Variants in MAPK8IP3 observed in about 807,000 individuals in gnomAD.
The protein encoded by MAPK8IP3 is mitogen-activated protein kinase 8 interacting protein 3.
MAPK8IP3 carries 49 observed loss-of-function variants against 157.8 expected under a neutral mutation model. That is an observed-to-expected ratio of 0.31 (90% CI 0.25 to 0.39). The LOEUF is 0.39. Ranked by LOEUF, MAPK8IP3 falls within the 10% of genes least tolerant of loss-of-function variation. MAPK8IP3 has a pLI of 1.00. For synonymous variants in MAPK8IP3, 897 were observed against 777.7 expected (o/e 1.15, Z -2.55); for missense variants, 1,478 against 1,889.4 (o/e 0.78, Z 4.04).
Position 1,743,706 on chromosome 16 carries a change from G to A in MAPK8IP3, c.747+230G>A, listed in dbSNP as rs2040811145. ...TCCACGCGGCCTCGTGTCGGCACCT[G>A]CTAGTCCAGGCTAGACCTCCCTGCC... On this transcript the variant is annotated intron_variant, in intron 5 of 31. Coordinates refer to ENST00000610761, the MANE Select transcript of MAPK8IP3 (RefSeq NM_001318852.2). This position sits in a 1 kb window ranked among gnomAD's most constrained non-coding sequence, Gnocchi z 5.6. 2.2e-6 allele frequency: 3 copies of A among 1,391,778 alleles called. No individual in the cohort carries two copies. Among genetic ancestry groups the A allele is most frequent in the African/African-American group, 3.0e-5 (2 of 67,050 alleles). The allele number at this position is 1,391,778 out of a possible 1,614,324, so 86.2% of individuals were successfully genotyped here. A position where few individuals can be genotyped will look rare whatever the true frequency, so the allele number is the denominator to read the frequency against.
chr16:1,763,404 C>A (rs983991771), intron 16 of MAPK8IP3, among the ~76,000 whole-genome samples: 36 of 152,254 alleles, frequency 2.4e-4, no homozygotes, highest in African/African-American at 8.7e-4. Flanking sequence ...AGCAGAGCAG[C>A]CTCTGGGTCG....
At chr16:1,753,903 GT>G (rs961104402) in intron 8 of MAPK8IP3, among the ~76,000 whole-genome samples, 2 of 152,008 alleles carry the variant, frequency 1.3e-5, no homozygotes, top group African/African-American at 4.8e-5. Flanking sequence ...GCCGGGCACA[GT>G]GGCTCACGCC....
intron 5 of MAPK8IP3, chr16:1,746,494 C>T (rs2040969292): frequency 6.4e-6 from 1 of 155,104 alleles, no homozygotes. Flanking sequence ...GCCACAGGGT[C>T]AGCACCTTCT....
chr16:1,717,261 AAG>A (rs1165643978), intron 1 of MAPK8IP3, among the ~76,000 whole-genome samples: 2 of 151,832 alleles, frequency 1.3e-5, no homozygotes, highest in Admixed American at 6.6e-5. Context: ...AAAAGAAAGA[AAG>A]AAATTCACCA....
chr16:1,736,771 T>C (rs72761166), intron 4 of MAPK8IP3, among the ~76,000 whole-genome samples: 3,365 of 45,036 alleles, frequency 0.075, 384 homozygotes, highest in African/African-American at 0.19. Context: ...TGTGACCGTC[T>C]GTGTGACCAT....
intron 1 of MAPK8IP3, chr16:1,708,046 A>G (rs560599360): frequency 1.3e-5 from 2 of 152,216 alleles, no homozygotes; most frequent in South Asian, 4.1e-4. Context: ...GTGGTTATGC[A>G]TTGATTGGAA....
chr16:1,768,307 G>C lies in MAPK8IP3; in HGVS notation c.3671G>C (p.Cys1224Ser), dbSNP rs1320621147. 6.2e-7 allele frequency: 1 copy of C among 1,609,830 alleles called. No individual in the cohort carries two copies. The highest frequency in any genetic ancestry group is 1.1e-5 in the South Asian group (1 of 91,084). ...GCGGCCAGCAGCTTCATCCCCTACT[G>C]CTCCATGGCCCAGGCCCAGCTATGC... is the stretch of plus-strand genomic sequence containing the variant. ...DRAASSFIPY[C>S]SMAQAQLCFH... The change falls in exon 30 of 32, where the codon TGC becomes TCC. Residue 1224 changes from cysteine (C) to serine (S), a missense_variant. Cys to Ser is a moderately radical substitution (Grantham distance 112, BLOSUM62 -1). Transcript: ENST00000610761.
chr16:1,750,299 G>A (rs1271061522), intron 8 of MAPK8IP3, among the ~76,000 whole-genome samples: 5 of 151,962 alleles, frequency 3.3e-5, no homozygotes, highest in African/African-American at 1.2e-4. Flanking sequence ...TGCAACCTCC[G>A]CCTCCCAGGT....
In MAPK8IP3 at chr16:1,745,115, C is replaced by G. The variant is rs574772082; in HGVS notation, c.747+1639C>G. 78 of 985,398 alleles carry G rather than the reference C, an allele frequency of 7.9e-5. No homozygotes were observed. In the Admixed American group the frequency reaches 8.6e-4, roughly 11 times the overall value. The allele number at this position is 985,398 out of a possible 1,614,324, so 61.0% of individuals were successfully genotyped here. On this transcript the variant is annotated intron_variant, in intron 5 of 31. Transcript: ENST00000610761. ...AGGTTTGCCTTTAGGTAAGTTGTGG[C>G]CAGGGGGAGTGTCCCATGGGTAAGT...
In MAPK8IP3 at chr16:1,765,984, C is replaced by T. The variant is rs1375252832; in HGVS notation, c.2471C>T (p.Pro824Leu). The change falls in exon 21 of 32, where the codon CCC (proline) becomes CTC (leucine). Residue 824 changes from proline to leucine, a missense_variant. Physicochemically the swap from Pro to Leu is moderately conservative, Grantham distance 98 (BLOSUM62 -3). Transcript: ENST00000610761. ...GCGGCCAGCGACAGCGACTACCCTCCCGGGGAGATGTTCCTGGACAGCGAC... is the reference window on the plus strand; with the variant it reads ...GCGGCCAGCGACAGCGACTACCCTCTCGGGGAGATGTTCCTGGACAGCGAC... Reference protein sequence around the residue: ...IPAASDSDYPPGEMFLDSDVN... With the variant: ...IPAASDSDYPLGEMFLDSDVN... 6 of 1,612,442 alleles carry T rather than the reference C, an allele frequency of 3.7e-6. No homozygotes were observed. Among genetic ancestry groups the T allele is most frequent in the Non-Finnish European group, 5.1e-6 (6 of 1,179,832 alleles).
At chr16:1,730,807 C>T (rs2039260983) in intron 4 of MAPK8IP3, among the ~76,000 whole-genome samples, 1 of 148,530 alleles carries the variant, frequency 6.7e-6, no homozygotes, top group Admixed American at 6.7e-5. Context: ...CGCACCACTG[C>T]ACTCCAGCCT....
chr16:1,712,282 C>T (rs948231338), intron 1 of MAPK8IP3, among the ~76,000 whole-genome samples: 5 of 151,796 alleles, frequency 3.3e-5, no homozygotes, highest in Admixed American at 6.6e-5. Flanking sequence ...AGGATGGTCT[C>T]GATCTGCTGA....
At position 1,762,816 on chromosome 16, in the gene MAPK8IP3, C is replaced by A. The variant is rs1232830561; in HGVS notation, c.1728-20C>A. ...TCCCTGGTCCTCTGCCCACCCCTCACCTCCCTGTGCCTCTGGCAGCTTCAG... is the reference window on the plus strand; with the variant it reads ...TCCCTGGTCCTCTGCCCACCCCTCAACTCCCTGTGCCTCTGGCAGCTTCAG... On this transcript the variant is annotated intron_variant, in intron 15 of 31. Transcript: ENST00000610761. 2 of 1,609,670 alleles carry A rather than the reference C, an allele frequency of 1.2e-6. No homozygotes were observed. Among genetic ancestry groups the A allele is most frequent in the South Asian group, 1.1e-5 (1 of 91,008 alleles).
Position 1,739,731 on chromosome 16 carries a change from CGT to C in MAPK8IP3, c.603-3591_603-3590del, listed in dbSNP as rs529526645. On this transcript the variant is annotated intron_variant, in intron 4 of 31. Transcript: ENST00000610761. ...CCGTCCGTGTGAGCATCTGTGTGAC[CGT>C]GTGTGTGTGACCGTCCGTGTGTGAC... 1.7e-3 allele frequency among the ~76,000 whole-genome samples: 181 copies of C among 108,884 alleles called. 2 individuals are homozygous for C. The highest frequency in any genetic ancestry group is 2.8e-3 in the Non-Finnish European group (154 of 54,778). 71.4% of individuals were successfully genotyped at this position (108,884 alleles called of 152,430 possible). A position where few individuals can be genotyped will look rare whatever the true frequency, so the allele number is the denominator to read the frequency against.
chr16:1,737,334 G>A (rs1376620057), intron 4 of MAPK8IP3, among the ~76,000 whole-genome samples: 7 of 107,872 alleles, frequency 6.5e-5, no homozygotes, highest in Admixed American at 1.8e-4. Context: ...GTGAGCATCC[G>A]TGTGAGCGTG....
Position 1,724,966 on chromosome 16 carries a change from CTT to C in MAPK8IP3, c.439+292_439+293del, listed in dbSNP as rs1488650880. Among the ~76,000 whole-genome samples, 2 of 152,148 alleles carry C rather than the reference CTT, an allele frequency of 1.3e-5. No individual in the cohort carries two copies. The highest frequency in any genetic ancestry group is 2.9e-5 in the Non-Finnish European group (2 of 68,030). On this transcript the variant is annotated intron_variant, in intron 2 of 31. Coordinates refer to ENST00000610761, the MANE Select transcript of MAPK8IP3 (RefSeq NM_001318852.2). The surrounding 1 kb of genome is among the most constrained non-coding windows in gnomAD (Gnocchi z 4.1). ...GTGGTCCTGAAGGTCCTTCCTGAATCTTTTGAACAGAGCTCCTGCAGCCCCTG... is the reference window on the plus strand; with the variant it reads ...GTGGTCCTGAAGGTCCTTCCTGAATCTTGAACAGAGCTCCTGCAGCCCCTG...
intron 16 of MAPK8IP3, among the ~76,000 whole-genome samples, chr16:1,763,396 C>A (rs1251322280): frequency 1.3e-5 from 2 of 152,254 alleles, no homozygotes; most frequent in African/African-American, 4.8e-5. Context: ...ACTGTGGCAG[C>A]AGAGCAGCCT....
chr16:1,716,587 G>T (rs2038165522), intron 1 of MAPK8IP3, among the ~76,000 whole-genome samples: 1 of 151,964 alleles, frequency 6.6e-6, no homozygotes, highest in South Asian at 2.1e-4. Flanking sequence ...AAGCCACTGT[G>T]CCCAGCCAGG....
chr16:1,721,267 A>C (rs1229541333), intron 1 of MAPK8IP3, among the ~76,000 whole-genome samples: 1 of 147,924 alleles, frequency 6.8e-6, no homozygotes. Flanking sequence ...CGGGAGGCGG[A>C]GGTTGCGGTG....
Sources: gnomAD v4.1 joint callset for allele counts (sites outside exome capture counted in the v4.1 genomes callset) on GRCh38, gnomAD v4.1.1 for gene constraint, Gnocchi (gnomAD v3.1) non-coding constraint, MANE v1.5 for transcripts, NCBI Gene and HGNC (gene_info 2026-07-23, HGNC 2026-07-21) for gene names.